FOXN3: variants seen among roughly 807,000 people sequenced by gnomAD.
FOXN3 encodes forkhead box N3.
A neutral mutation model predicts 38.4 loss-of-function variants in FOXN3; 7 were observed. The ratio of observed to expected loss-of-function variants is 0.18; its 90% CI spans 0.10 to 0.34. The LOEUF is 0.34. Ranked by LOEUF, FOXN3 falls within the 10% of genes least tolerant of loss-of-function variation. FOXN3 has a pLI of 1.00. For synonymous variants in FOXN3, 230 were observed against 242.2 expected (o/e 0.95, Z 0.47); for missense variants, 456 against 613.4 (o/e 0.74, Z 2.71).
At chr14:89,610,258 A>T (rs556818186) in intron 1 of FOXN3, among the ~76,000 whole-genome samples, 1 of 152,330 alleles carries the variant, frequency 6.6e-6, no homozygotes, top group South Asian at 2.1e-4. Flanking sequence ...TACCAACGGC[A>T]TCAAGAAGTC....
At chr14:89,220,070 T>C (rs1299050398) in intron 4 of FOXN3, among the ~76,000 whole-genome samples, 2 of 152,244 alleles carry the variant, frequency 1.3e-5, no homozygotes, top group Non-Finnish European at 2.9e-5. Context: ...CATTTTGCTA[T>C]GCTTTTTGCA....
intron 1 of FOXN3, among the ~76,000 whole-genome samples, chr14:89,492,875 G>A (rs1338640011): frequency 6.6e-6 from 1 of 152,204 alleles, no homozygotes; most frequent in Admixed American, 6.5e-5. Flanking sequence ...CCACTGGGGT[G>A]TGGTACATTC....
chr14:89,609,417 G>A (rs1896346829), intron 1 of FOXN3, among the ~76,000 whole-genome samples: 1 of 152,062 alleles, frequency 6.6e-6, no homozygotes, highest in Non-Finnish European at 1.5e-5. Context: ...TGCCCAGGCT[G>A]GCATCAAGGT....
chr14:89,266,665 A>G (rs1885989156), intron 4 of FOXN3, among the ~76,000 whole-genome samples: 1 of 152,194 alleles, frequency 6.6e-6, no homozygotes, highest in Admixed American at 6.5e-5. Flanking sequence ...GTAACGGGAT[A>G]ACCAAACAAT....
rs1886990983 is a variant in FOXN3, at chr14:89,156,784, T to C, written c.*5630A>G. ...CCATGGCAGTATTAAGTAGTGAGTG[T>C]GAATGACACAGCATGAAACTGGTTA... On this transcript the variant is annotated 3_prime_UTR_variant, in exon 6 of 6. Transcript: ENST00000557258. 1 of 152,162 alleles carries C rather than the reference T, an allele frequency of 6.6e-6. No individual in the cohort carries two copies. Among genetic ancestry groups the C allele is most frequent in the African/African-American group, 2.4e-5 (1 of 41,422 alleles). The allele number at this position is 152,162 out of a possible 1,614,324, so 9.4% of individuals were successfully genotyped here.
At chr14:89,431,704 A>G (rs1892162811) in intron 1 of FOXN3, among the ~76,000 whole-genome samples, 2 of 152,262 alleles carry the variant, frequency 1.3e-5, no homozygotes, top group South Asian at 4.1e-4. Context: ...CTGCCCCAAC[A>G]CAAGCATAGT....
intron 4 of FOXN3, among the ~76,000 whole-genome samples, chr14:89,192,008 T>G (rs1441401511): frequency 2.8e-5 from 4 of 143,204 alleles, no homozygotes; most frequent in Non-Finnish European, 6.0e-5. Context: ...GCTAATATAA[T>G]TAATCATTAA....
At chr14:89,279,818 T>C (rs962473003) in intron 4 of FOXN3, among the ~76,000 whole-genome samples, 1 of 152,212 alleles carries the variant, frequency 6.6e-6, no homozygotes, top group Non-Finnish European at 1.5e-5. Context: ...AATCACAGTA[T>C]GCAATTGCGT....
At chr14:89,193,414 C>A (rs893474708) in intron 4 of FOXN3, among the ~76,000 whole-genome samples, 7 of 151,970 alleles carry the variant, frequency 4.6e-5, no homozygotes, top group Non-Finnish European at 8.8e-5. Flanking sequence ...GAAAGAAAAC[C>A]TTAAAGGAAA....
At chr14:89,616,135 T>G (rs376453258) in intron 1 of FOXN3, among the ~76,000 whole-genome samples, 47 of 152,318 alleles carry the variant, frequency 3.1e-4, no homozygotes, top group African/African-American at 1.1e-3. Context: ...AGGTTCGATG[T>G]TGATCCTCAA....
intron 1 of FOXN3, among the ~76,000 whole-genome samples, chr14:89,467,099 G>A (rs28521729): frequency 0.078 from 11,874 of 152,186 alleles, 513 homozygotes; most frequent in Middle Eastern, 0.12. Flanking sequence ...GAGCCTGCCC[G>A]GGACTCCCAA....
intron 1 of FOXN3, among the ~76,000 whole-genome samples, chr14:89,415,883 C>CACACACACACACACA (rs60129607): frequency 2.4e-4 from 36 of 148,224 alleles, no homozygotes; most frequent in Admixed American, 2.7e-4. Context: ...CACACACACA[C>CACACACACACACACA]CCTCTTTTGT....
intron 4 of FOXN3, among the ~76,000 whole-genome samples, chr14:89,274,682 AC>A (rs1420657496): frequency 6.6e-6 from 1 of 152,222 alleles, no homozygotes; most frequent in Non-Finnish European, 1.5e-5. Flanking sequence ...CTATATGTGC[AC>A]CTGCTGTGAA....
At chr14:89,464,467 C>T (rs1353964708) in intron 1 of FOXN3, among the ~76,000 whole-genome samples, 2 of 152,218 alleles carry the variant, frequency 1.3e-5, no homozygotes, top group East Asian at 3.9e-4. Flanking sequence ...CGAGTGGTTC[C>T]CCTTTCCAAG....
At chr14:89,169,102 A>G (rs1429199091) in intron 5 of FOXN3, among the ~76,000 whole-genome samples, 6 of 152,196 alleles carry the variant, frequency 3.9e-5, no homozygotes, top group African/African-American at 1.4e-4. Flanking sequence ...AAAGAGAAAA[A>G]TGATCCAAAA....
intron 1 of FOXN3, among the ~76,000 whole-genome samples, chr14:89,429,620 C>T (rs893565006): frequency 6.6e-5 from 10 of 151,898 alleles, no homozygotes; most frequent in African/African-American, 2.2e-4. Context: ...CCTGGACCAG[C>T]GAAGGGTTAG....
At chr14:89,613,778 C>A (rs1015928625) in intron 1 of FOXN3, among the ~76,000 whole-genome samples, 4 of 152,194 alleles carry the variant, frequency 2.6e-5, no homozygotes, top group Non-Finnish European at 4.4e-5. Flanking sequence ...CTTTCTACTT[C>A]TATAGACTCC....
At chr14:89,166,128 T>C (rs1275337265) in intron 5 of FOXN3, among the ~76,000 whole-genome samples, 1 of 152,194 alleles carries the variant, frequency 6.6e-6, no homozygotes, top group African/African-American at 2.4e-5. Flanking sequence ...AGTTTGAACA[T>C]TTTTTAAATC....
In FOXN3 at chr14:89,180,748, G is replaced by T. The variant is rs1210184174; in HGVS notation, c.804C>A (p.Gly268=). The T allele has an allele frequency of 1.2e-6, 2 of 1,612,450 alleles. No homozygotes were observed. Among genetic ancestry groups the T allele is most frequent in the South Asian group, 1.1e-5 (1 of 90,638 alleles). The change falls in exon 5 of 6, where the codon GGC becomes GGA. Residue 268 remains glycine, a synonymous_variant. Coordinates refer to ENST00000557258, the MANE Select transcript of FOXN3 (RefSeq NM_005197.4). ...TGGGAGTGATTGGCAGCGGCCGCAC[G>T]CCAGGAAACAGCCCTCGGCTCAGGA... is the stretch of plus-strand genomic sequence containing the variant. ...ARVLSRGLFP[G]VRPLPITPIG... is the part of the protein sequence containing the mutation.
Sources: allele counts gnomAD v4.1 joint callset (sites outside exome capture counted in the v4.1 genomes callset), GRCh38; gene constraint gnomAD v4.1.1; transcripts MANE v1.5; gene names NCBI Gene and HGNC (gene_info 2026-07-23, HGNC 2026-07-21).